Variants in ZNF544 observed in about 807,000 individuals in gnomAD.
ZNF544 encodes the protein zinc finger protein 544.
In ZNF544, 10 loss-of-function variants were observed where a neutral mutation model predicts 13.5. The observed-to-expected ratio is 0.74, with a 90% confidence interval of 0.46 to 1.25. ZNF544 has a LOEUF of 1.25. ZNF544 is among the 50% of genes most tolerant of loss of function. The probability of loss-of-function intolerance (pLI) is 0.00; values close to 1 mark genes in which losing one functional copy is unlikely to be tolerated. For synonymous variants in ZNF544, 323 were observed against 300.5 expected (o/e 1.07, Z -0.77); for missense variants, 896 against 845.6 (o/e 1.06, Z -0.74).
intron 5 of ZNF544, among the ~76,000 whole-genome samples, chr19:58,274,400 G>C (rs2051060201): frequency 6.6e-6 from 1 of 152,020 alleles, no homozygotes; most frequent in South Asian, 2.1e-4. Context: ...ACGCATACAG[G>C]GAAAATGACA....
Position 58,262,897 on chromosome 19 carries a change from T to C in ZNF544, c.*143T>C. ...TCATTGAACATCAGAGGACATATCC[T>C]GGAGAAAAGCCCTACGAATGCATTG... On this transcript the variant is annotated 3_prime_UTR_variant, in exon 7 of 7. Transcript: ENST00000687789. 6.8e-7 allele frequency: 1 copy of C among 1,476,560 alleles called. No homozygotes were observed. The allele number at this position is 1,476,560 out of a possible 1,614,324, so 91.5% of individuals were successfully genotyped here.
chr19:58,236,372 C>T (rs1299172721), intron 3 of ZNF544, among the ~76,000 whole-genome samples: 1 of 151,646 alleles, frequency 6.6e-6, no homozygotes, highest in African/African-American at 2.4e-5. Context: ...GTGGCGCATA[C>T]CTGTAATCCC....
chr19:58,276,043 G>T (rs2051197432), intron 5 of ZNF544, among the ~76,000 whole-genome samples: 1 of 152,058 alleles, frequency 6.6e-6, no homozygotes, highest in South Asian at 2.1e-4. Context: ...CCAGTGTGGT[G>T]GCTCTCACCT....
chr19:58,245,552 G>A (rs967026067), intron 4 of ZNF544, among the ~76,000 whole-genome samples: 26 of 152,132 alleles, frequency 1.7e-4, no homozygotes, highest in African/African-American at 5.3e-4. Context: ...TGCCCGCCTC[G>A]GCCTCCCAAA....
chr19:58,261,683 TG>T lies in ZNF544; in HGVS notation c.1079del (p.Gly360GlufsTer120). 1 of 1,614,216 alleles carries T rather than the reference TG, an allele frequency of 6.2e-7. No individual in the cohort carries two copies. Among genetic ancestry groups the T allele is most frequent in the Non-Finnish European group, 8.5e-7 (1 of 1,180,034 alleles). Reference protein sequence around the residue: ...TEKPSVCNQCGKSFSCCKLIH... With the variant: ...TEKPSVCNQCXKSFSCCKLIH... ...AGAAGCCATCTGTGTGTAATCAGTG[TG>T]GAAAATCTTTCAGCTGTTGTAAGCT... On this transcript the variant is annotated frameshift_variant, in exon 7 of 7. Coordinates refer to ENST00000687789, the MANE Select transcript of ZNF544 (RefSeq NM_014480.4). LOFTEE classifies it low-confidence loss of function (END_TRUNC).
intron 5 of ZNF544, among the ~76,000 whole-genome samples, chr19:58,275,208 C>T (rs2147936716): frequency 6.6e-6 from 1 of 152,224 alleles, no homozygotes; most frequent in South Asian, 2.1e-4. Context: ...ACACTTGTCT[C>T]CCGTGTTTCC....
At chr19:58,256,123 G>A (rs921105472) in intron 6 of ZNF544, among the ~76,000 whole-genome samples, 3 of 151,930 alleles carry the variant, frequency 2.0e-5, no homozygotes, top group African/African-American at 7.3e-5. Flanking sequence ...AGTTGGAAAG[G>A]GAAAAAGAGA....
chr19:58,241,144 A>AAAATATATATATATTTTAATATAT (rs1555755486), intron 3 of ZNF544, among the ~76,000 whole-genome samples: 1 of 73,750 alleles, frequency 1.4e-5, no homozygotes, highest in South Asian at 3.9e-4. Context: ...GCCAATTTAA[A>AAAATATATATATATTTTAATATAT]ATATATATAT....
rs934374517 is a variant in ZNF544, at chr19:58,261,139, T to C, written c.533T>C (p.Leu178Ser). The C allele has an allele frequency of 1.2e-6, 2 of 1,614,116 alleles. No homozygotes were observed. The highest frequency in any genetic ancestry group is 1.7e-6 in the Non-Finnish European group (2 of 1,180,028). Residue 178 changes from leucine to serine, a missense_variant, in exon 7 of 7, where the codon TTA becomes TCA. Transcript: ENST00000687789. ...ACTTTAAGCCTTCTACCTACAACATTACCTACAAGTACAGGTTTCCCTAAG... is the reference window on the plus strand; with the variant it reads ...ACTTTAAGCCTTCTACCTACAACATCACCTACAAGTACAGGTTTCCCTAAG... The part of the protein sequence containing the change: ...PSTLSLLPTT[L>S]PTSTGFPKPN...
Position 58,263,234 on chromosome 19 carries a change from G to A in ZNF544, c.*480G>A, listed in dbSNP as rs1354242670. 9.2e-6 allele frequency: 9 copies of A among 979,192 alleles called. No homozygotes were observed. Among genetic ancestry groups the A allele is most frequent in the African/African-American group, 3.5e-5 (2 of 56,986 alleles). 60.7% of individuals were successfully genotyped at this position (979,192 alleles called of 1,614,324 possible). A position where few individuals can be genotyped will look rare whatever the true frequency, so the allele number is the denominator to read the frequency against. On this transcript the variant is annotated 3_prime_UTR_variant, in exon 7 of 7. Coordinates refer to ENST00000687789, the MANE Select transcript of ZNF544 (RefSeq NM_014480.4). ...CCAGCAGTTTGCGAGGCCGAGGCAGGTGGATCACTTGAGCCCAGGAGTTTG... is the reference window on the plus strand; with the variant it reads ...CCAGCAGTTTGCGAGGCCGAGGCAGATGGATCACTTGAGCCCAGGAGTTTG...
At chr19:58,271,510 G>C (rs964534633) in intron 5 of ZNF544, among the ~76,000 whole-genome samples, 8 of 152,056 alleles carry the variant, frequency 5.3e-5, no homozygotes, top group Non-Finnish European at 1.0e-4. Flanking sequence ...GCTGAGTTGG[G>C]AGGATTCTTT....
At position 58,244,060 on chromosome 19, in the gene ZNF544, A is replaced by AG. The variant is rs771200378; in HGVS notation, c.33+5dup. The AG allele has an allele frequency of 6.2e-6, 10 of 1,606,322 alleles. No homozygotes were observed. In the Admixed American group the frequency reaches 1.7e-4, roughly 27 times the overall value. On this transcript the variant is annotated splice_donor_region_variant and intron_variant, in intron 4 of 6. Coordinates refer to ENST00000687789, the MANE Select transcript of ZNF544 (RefSeq NM_014480.4). Reference sequence around the variant, plus strand: ...TTCTATGCTGGTTCCACCCCAGGTGAGTGGGGGGTCTTTGCTCTCAGTGCC... The same window carrying AG: ...TTCTATGCTGGTTCCACCCCAGGTGAGGTGGGGGGTCTTTGCTCTCAGTGCC...
chr19:58,269,014 T>A (rs1312241270), downstream of ZNF544, among the ~76,000 whole-genome samples: 2 of 152,168 alleles, frequency 1.3e-5, no homozygotes, highest in African/African-American at 4.8e-5. Context: ...CTTTCCACAT[T>A]GAACAAATAA....
At chr19:58,248,150 G>C (rs980873640) in intron 6 of ZNF544, among the ~76,000 whole-genome samples, 3 of 151,912 alleles carry the variant, frequency 2.0e-5, no homozygotes, top group African/African-American at 4.8e-5. Flanking sequence ...CTGACCTCAT[G>C]ATGCGCCCCC....
downstream of ZNF544, among the ~76,000 whole-genome samples, chr19:58,264,842 A>T (rs1328831314): frequency 6.6e-6 from 1 of 152,086 alleles, no homozygotes; most frequent in Admixed American, 6.6e-5. Flanking sequence ...CCCCATCTCT[A>T]CAAAAAATAG....
At chr19:58,273,701 A>C (rs1273071132) in intron 5 of ZNF544, among the ~76,000 whole-genome samples, 3 of 151,880 alleles carry the variant, frequency 2.0e-5, no homozygotes, top group Non-Finnish European at 4.4e-5. Flanking sequence ...AAAAAAAAAA[A>C]AAAAGCCTAT....
chr19:58,249,552 G>A (rs1457447021), intron 6 of ZNF544, among the ~76,000 whole-genome samples: 3 of 152,200 alleles, frequency 2.0e-5, no homozygotes, highest in African/African-American at 7.2e-5. Context: ...AGAGGAAGGA[G>A]CCATGAACCC....
At chr19:58,230,832 C>G (rs908541355) in intron 3 of ZNF544, among the ~76,000 whole-genome samples, 1 of 152,070 alleles carries the variant, frequency 6.6e-6, no homozygotes, top group African/African-American at 2.4e-5. Context: ...GAGAAGACAT[C>G]TCAGCTCAGA....
At chr19:58,235,783 G>A (rs548965855) in intron 3 of ZNF544, among the ~76,000 whole-genome samples, 6 of 152,218 alleles carry the variant, frequency 3.9e-5, no homozygotes, top group South Asian at 2.1e-4. Context: ...TTCATAGGCC[G>A]GGCTTGATGG....
Sources: gnomAD v4.1 joint callset for allele counts (sites outside exome capture counted in the v4.1 genomes callset) on GRCh38, gnomAD v4.1.1 for gene constraint, MANE v1.5 for transcripts, NCBI Gene and HGNC (gene_info 2026-07-23, HGNC 2026-07-21) for gene names.